Variants in COL5A3 observed in about 807,000 individuals in gnomAD.
COL5A3 encodes collagen type V alpha 3 chain.
In COL5A3, 172 loss-of-function variants were observed where a neutral mutation model predicts 250.0. The observed-to-expected ratio is 0.69, with a 90% CI of 0.61 to 0.78. COL5A3 has a LOEUF of 0.78. Among genes scored for constraint, COL5A3 ranks in the 30% least tolerant of loss-of-function variants. The probability of loss-of-function intolerance (pLI) is 0.00; values close to 1 mark genes in which losing one functional copy is unlikely to be tolerated. For missense variants in COL5A3, 2,340 were observed against 2,334.4 expected, an observed-to-expected ratio of 1.00 and a Z score of -0.05; for synonymous variants, 937 against 900.4, an observed-to-expected ratio of 1.04 and a Z score of -0.73.
chr19:9,995,981 G>A, intron 15 of COL5A3, 85 bp downstream of exon 15: 2 of 1,279,472 alleles, frequency 1.6e-6, no homozygotes, highest in Admixed American at 2.5e-5. Flanking sequence ...AGCCCCTTTG[G>A]CACTTTCCCC....
rs569373530 is a variant in COL5A3, at chr19:9,970,923, A to G, written c.3882+52T>C. On this transcript the variant is annotated intron_variant, in intron 53 of 66. Transcript: ENST00000264828. ...CCCTGCCCCCCCAATTCACTCACTC[A>G]TTAGCTCCCCAACCCCCGCCTCAGC... The G allele has an allele frequency of 3.2e-4, 409 of 1,293,104 alleles. 7 individuals are homozygous for G. In the South Asian group the frequency reaches 5.6e-3, roughly 18 times the overall value. 80.1% of individuals were successfully genotyped at this position (1,293,104 alleles called of 1,614,324 possible).
In COL5A3 at chr19:9,966,551, G is replaced by A; in HGVS notation, c.4654C>T (p.Pro1552Ser). 6.5e-7 allele frequency: 1 copy of A among 1,543,998 alleles called. No homozygotes were observed. Among genetic ancestry groups the A allele is most frequent in the South Asian group, 1.2e-5 (1 of 84,408 alleles). Residue 1552 changes from proline (P) to serine (S), a missense_variant, in exon 63 of 67, where the codon CCG becomes TCG. Transcript: ENST00000264828. ...CGGACCTCACCATCAGGCAGGTGCG[G>A]GTGGTTGCGGTGCAGCTCGTGGCAC... Reference protein sequence around the residue: ...LVCHELHRNHPHLPDGEYWID... With the variant: ...LVCHELHRNHSHLPDGEYWID...
chr19:9,993,743 C>A lies in COL5A3; in HGVS notation c.1641+10G>T. The A allele has an allele frequency of 6.2e-7, 1 of 1,614,166 alleles. No individual in the cohort carries two copies. Among genetic ancestry groups the A allele is most frequent in the Non-Finnish European group, 8.5e-7 (1 of 1,180,000 alleles). ...TCCCACCAAGTCTTATCTCAGCCCC[C>A]ATCACCTACCTTAGGTCCAGTGTCC... On this transcript the variant is annotated intron_variant, in intron 17 of 66. Coordinates refer to ENST00000264828, the MANE Select transcript of COL5A3 (RefSeq NM_015719.4).
rs142921712 is a variant in COL5A3 at position 9,959,955 on chromosome 19, G to T, written c.*456C>A. 2 of 171,404 alleles carry T rather than the reference G, an allele frequency of 1.2e-5. No homozygotes were observed. Among genetic ancestry groups the T allele is most frequent in the African/African-American group, 2.4e-5 (1 of 42,094 alleles). The allele number at this position is 171,404 out of a possible 1,614,324, so 10.6% of individuals were successfully genotyped here. Reference sequence around the variant, plus strand: ...ACCGTGGAAGTAGAAAGGATCAAAGGGGGTGGGGGTAGGGGTCCCAGCCTG... The same window carrying T: ...ACCGTGGAAGTAGAAAGGATCAAAGTGGGTGGGGGTAGGGGTCCCAGCCTG... On this transcript the variant is annotated 3_prime_UTR_variant, in exon 67 of 67. Coordinates refer to ENST00000264828, the MANE Select transcript of COL5A3 (RefSeq NM_015719.4).
At chr19:9,987,948 T>G (rs1800858619) in intron 27 of COL5A3, among the ~76,000 whole-genome samples, 1 of 151,536 alleles carries the variant, frequency 6.6e-6, no homozygotes, top group Admixed American at 6.6e-5. Flanking sequence ...AAATAAAACA[T>G]TTAGGGCCGG....
Position 9,967,385 on chromosome 19 carries a change from G to C in COL5A3, c.4420C>G (p.Arg1474Gly). Residue 1474 changes from arginine to glycine, a missense_variant, in exon 62 of 67, where the codon CGT becomes GGT. By Grantham distance (125) the Arg-to-Gly change is moderately radical (BLOSUM62 -2). Coordinates refer to ENST00000264828, the MANE Select transcript of COL5A3 (RefSeq NM_015719.4). ...GGGCCTGCAGGTCCAGTGTCTCCAC[G>C]GGGGCCCATGGACCCCTGTAGGGAG... ...SKGSPGSMGP[R>G]GDTGPAGPPG... 6.8e-7 allele frequency: 1 copy of C among 1,478,666 alleles called. No individual in the cohort carries two copies. Among genetic ancestry groups the C allele is most frequent in the South Asian group, 1.5e-5 (1 of 68,468 alleles). The allele number at this position is 1,478,666 out of a possible 1,614,324, so 91.6% of individuals were successfully genotyped here.
chr19:10,005,285 G>A (rs145923098), intron 4 of COL5A3, among the ~76,000 whole-genome samples: 18 of 151,774 alleles, frequency 1.2e-4, no homozygotes, highest in Admixed American at 6.6e-5. Flanking sequence ...ATGAGGTGGA[G>A]GTTGCAGTGA....
In COL5A3 at chr19:9,977,650, G is replaced by A. The variant is rs1373485723; in HGVS notation, c.3070C>T (p.Pro1024Ser). ...GGGCCTTCGCTGCCACTTTGGCCAG[G>A]AAGTCCAATGCCTCCTGCTGGGCCC... ...PLGPAGGIGLPGQSGSEGPVG... is the reference protein window; with the variant it reads ...PLGPAGGIGLSGQSGSEGPVG... The change falls in exon 42 of 67, where the codon CCT becomes TCT. Residue 1024 changes from proline to serine, a missense_variant. By Grantham distance (74) the Pro-to-Ser change is moderately conservative. This residue lies in a region of COL5A3 where 1,179 missense variants were observed against 1,162.6 expected (regional missense o/e 1.01). Transcript: ENST00000264828. The A allele has an allele frequency of 6.2e-7, 1 of 1,608,772 alleles. No homozygotes were observed. Among genetic ancestry groups the A allele is most frequent in the Non-Finnish European group, 8.5e-7 (1 of 1,177,320 alleles).
At chr19:10,002,017 C>G (rs2087371092) in intron 6 of COL5A3, 136 bp from the exon 7 acceptor site, 1 of 624,000 alleles carries the variant, frequency 1.6e-6, no homozygotes, top group Admixed American at 3.0e-5. Context: ...GCACCAGAGG[C>G]CAATGGAGAC....
intron 15 of COL5A3, 94 bp downstream of exon 15, chr19:9,995,972 G>A: frequency 8.2e-7 from 1 of 1,217,714 alleles, no homozygotes; most frequent in Non-Finnish European, 1.1e-6. Context: ...GGTATCCCCA[G>A]CCCCTTTGGC....
chr19:9,966,590 G>A lies in COL5A3; in HGVS notation c.4615C>T (p.Arg1539Cys), dbSNP rs1412601912. The A allele has an allele frequency of 2.6e-6, 4 of 1,540,918 alleles. No homozygotes were observed. The highest frequency in any genetic ancestry group is 3.5e-6 in the Non-Finnish European group (4 of 1,147,176). The change falls in exon 63 of 67, where the codon CGC (arginine) becomes TGC (cysteine). Residue 1539 changes from arginine (R) to cysteine (C), a missense_variant. By Grantham distance (180) the Arg-to-Cys change is radical. Transcript: ENST00000264828. The part of the protein sequence containing the change: ...QLRRPPGTAE[R>C]PGLVCHELHR... ...AGCTCGTGGCACACGAGGCCCGGGCGCTCCGCAGTGCCGGGAGGACGCCGC... is the reference window on the plus strand; with the variant it reads ...AGCTCGTGGCACACGAGGCCCGGGCACTCCGCAGTGCCGGGAGGACGCCGC...
Position 9,982,800 on chromosome 19 carries a change from G to T in COL5A3, c.2407-682C>A, listed in dbSNP as rs117825396. ...CATCCCGCCTCAAAGCCCATTTCAG[G>T]CTCCCTCTACTCTCCCTTCCCATCT... On this transcript the variant is annotated intron_variant, in intron 31 of 66. Transcript: ENST00000264828. Among the ~76,000 whole-genome samples, 60 of 152,118 alleles carry T rather than the reference G, an allele frequency of 3.9e-4. 2 individuals carry two copies. In the East Asian group the frequency reaches 8.9e-3, roughly 23 times the overall value.
At position 9,977,210 on chromosome 19, in the gene COL5A3, A is replaced by G. The variant is rs114827216; in HGVS notation, c.3288+19T>C. ...TCCGCTACCCACCCCACCCTGCCCC[A>G]CTGGGGACCTTCACTCACCGCGTCT... On this transcript the variant is annotated intron_variant, in intron 44 of 66. Coordinates refer to ENST00000264828, the MANE Select transcript of COL5A3 (RefSeq NM_015719.4). 77,198 of 1,588,730 alleles carry G rather than the reference A, an allele frequency of 0.049. 2,100 individuals carry two copies. Among genetic ancestry groups the G allele is most frequent in the Middle Eastern group, 0.06 (358 of 6,012 alleles).
chr19:10,005,062 A>G (rs1327972809), intron 4 of COL5A3, among the ~76,000 whole-genome samples: 1 of 152,012 alleles, frequency 6.6e-6, no homozygotes, highest in Non-Finnish European at 1.5e-5. Flanking sequence ...GCATCGTCAC[A>G]ATTTATGGTC....
intron 62 of COL5A3, 96 bp from the exon 63 acceptor site, chr19:9,966,842 C>T (rs1009637251): frequency 5.2e-5 from 49 of 937,204 alleles, no homozygotes; most frequent in Non-Finnish European, 6.9e-5. Flanking sequence ...GGCAGACAGA[C>T]ACAAATGAGA....
intron 65 of COL5A3, among the ~76,000 whole-genome samples, chr19:9,962,135 C>T (rs781044860): frequency 6.7e-6 from 1 of 150,234 alleles, no homozygotes; most frequent in Admixed American, 6.6e-5. Context: ...GAGACGGAAT[C>T]TCGCTCTGTT....
intron 53 of COL5A3, 101 bp from the exon 54 acceptor site, chr19:9,970,776 A>G (rs1188034256): frequency 9.2e-7 from 1 of 1,090,836 alleles, no homozygotes; most frequent in East Asian, 3.1e-5. Context: ...CCCAAGCCTC[A>G]CCCCAGCACC....
intron 50 of COL5A3, among the ~76,000 whole-genome samples, chr19:9,973,347 C>G (rs1338387342): frequency 6.6e-6 from 1 of 152,188 alleles, no homozygotes; most frequent in Non-Finnish European, 1.5e-5. Flanking sequence ...CCTCACCTAT[C>G]CCCTGGGTCA....
In COL5A3 at chr19:9,979,122, A is replaced by G. The variant is rs752169880; in HGVS notation, c.2874+10T>C. ...TGTTCAACCAAGATCTCCAGTGGAC[A>G]GTGTCTCACCTTGGCCCCCTCTCTG... is the stretch of plus-strand genomic sequence containing the variant. On this transcript the variant is annotated intron_variant, in intron 39 of 66. Transcript: ENST00000264828. 11 of 1,527,874 alleles carry G rather than the reference A, an allele frequency of 7.2e-6. No homozygotes were observed. The highest frequency in any genetic ancestry group is 9.7e-6 in the Non-Finnish European group (11 of 1,138,798). The allele number at this position is 1,527,874 out of a possible 1,614,324, so 94.6% of individuals were successfully genotyped here.
Sources: gnomAD v4.1 joint callset for allele counts (sites outside exome capture counted in the v4.1 genomes callset) on GRCh38, gnomAD v4.1.1 for gene constraint, gnomAD v4.1.1 regional missense constraint, MANE v1.5 for transcripts, NCBI Gene and HGNC (gene_info 2026-07-23, HGNC 2026-07-21) for gene names.